The following SNRPN variants were observed in gnomAD, a reference collection of about 807,000 sequenced individuals.
SNRPN encodes the protein small nuclear ribonucleoprotein polypeptide N, also known as small nuclear ribonucleoprotein-associated protein N.
In SNRPN, 7 loss-of-function variants were observed where a neutral mutation model predicts 25.2. The ratio of observed to expected loss-of-function variants is 0.28; its 90% confidence interval spans 0.16 to 0.52. SNRPN has a LOEUF of 0.52. Ranked by LOEUF, SNRPN falls within the 20% of genes least tolerant of loss-of-function variation. SNRPN has a pLI of 0.96. For missense variants in SNRPN, 196 were observed against 322.5 expected, an observed-to-expected ratio of 0.61 and a Z score of 3.00; for synonymous variants, 124 against 110.6, an observed-to-expected ratio of 1.12 and a Z score of -0.76.
At chr15:24,974,529 A>G in intron 4 of SNRPN, 73 bp downstream of exon 4, 1 of 1,408,004 alleles carries the variant, frequency 7.1e-7, no homozygotes, top group Non-Finnish European at 1.0e-6. Context: ...CAGCATGTGC[A>G]GTGATCTTGG....
At chr15:24,835,653 A>G (rs2051105356) in intron 2 of SNRPN, among the ~76,000 whole-genome samples, 2 of 152,022 alleles carry the variant, frequency 1.3e-5, no homozygotes, top group Admixed American at 6.6e-5. Context: ...TTTGGTAATT[A>G]TTGGGTCATT....
At chr15:24,931,483 C>A (rs1416414879) in intron 3 of SNRPN, among the ~76,000 whole-genome samples, 1 of 151,874 alleles carries the variant, frequency 6.6e-6, no homozygotes, top group Non-Finnish European at 1.5e-5. Flanking sequence ...GAAGCTACTG[C>A]AGAGGCTGAG....
upstream of SNRPN, among the ~76,000 whole-genome samples, chr15:24,950,583 C>G (rs574685822): frequency 7.5e-6 from 1 of 133,048 alleles, no homozygotes; most frequent in Non-Finnish European, 1.6e-5. Flanking sequence ...AGGTTTTGCT[C>G]CATCACCCAG....
At chr15:24,957,693 A>G (rs2063156336) in intron 1 of SNRPN, among the ~76,000 whole-genome samples, 2 of 152,224 alleles carry the variant, frequency 1.3e-5, no homozygotes, top group Admixed American at 6.5e-5. Flanking sequence ...GTAGTTTTAA[A>G]AATAGCAGGA....
chr15:24,929,515 C>G lies in SNRPN; in HGVS notation c.-391+9391C>G, dbSNP rs1338584803. ...GGAAGATGGGGAATACTTGCAGGCACCTGGGAAGCTCAGGGAAGCTGCAGG... is the reference window on the plus strand; with the variant it reads ...GGAAGATGGGGAATACTTGCAGGCAGCTGGGAAGCTCAGGGAAGCTGCAGG... On this transcript the variant is annotated intron_variant, in intron 3 of 11. Transcript: ENST00000400097. This position sits in a 1 kb window ranked among gnomAD's most constrained non-coding sequence, Gnocchi z 5.3. 6.6e-6 allele frequency among the ~76,000 whole-genome samples: 1 copy of G among 152,072 alleles called. No individual in the cohort carries two copies.
chr15:24,852,556 A>G (rs1595466374), upstream of SNRPN, among the ~76,000 whole-genome samples: 2 of 152,364 alleles, frequency 1.3e-5, no homozygotes, highest in Middle Eastern at 6.8e-3. Context: ...ACTAGAAACA[A>G]TGTGTAAATT....
chr15:24,895,063 C>A (rs963230065), intron 2 of SNRPN, among the ~76,000 whole-genome samples: 1 of 152,140 alleles, frequency 6.6e-6, no homozygotes, highest in South Asian at 2.1e-4. Context: ...GTAATGGGAC[C>A]AAAAGGTGTC....
intron 1 of SNRPN, among the ~76,000 whole-genome samples, chr15:24,874,281 G>A (rs1262064148): frequency 2.3e-5 from 3 of 130,184 alleles, no homozygotes; most frequent in East Asian, 5.0e-4. Flanking sequence ...CTGCACTCCA[G>A]CCTGGGTGAC....
At chr15:24,881,028 T>C (rs1334888378) in intron 1 of SNRPN, among the ~76,000 whole-genome samples, 2 of 152,112 alleles carry the variant, frequency 1.3e-5, no homozygotes, top group Non-Finnish European at 2.9e-5. Flanking sequence ...ATTTGAATAA[T>C]GACGGTCCAT....
chr15:24,886,584 C>T (rs1299829308), exon 2 of SNRPN: 2 of 152,216 alleles, frequency 1.3e-5, no homozygotes, highest in Non-Finnish European at 2.9e-5. Flanking sequence ...TGGGGCACTT[C>T]TCCAGGTAAG....
chr15:24,837,461 T>G (rs987769441), intron 2 of SNRPN, among the ~76,000 whole-genome samples: 4 of 151,276 alleles, frequency 2.6e-5, no homozygotes, highest in Admixed American at 2.6e-4. Context: ...CTCCGCCTCC[T>G]GGGTTCACGC....
intron 1 of SNRPN, among the ~76,000 whole-genome samples, chr15:24,876,404 G>A (rs551958675): frequency 2.5e-4 from 38 of 150,142 alleles, no homozygotes; most frequent in African/African-American, 9.2e-4. Flanking sequence ...ATCACCTGAG[G>A]TCAGGAGTTT....
intron 2 of SNRPN, chr15:24,848,207 G>C (rs1202236441): frequency 8.4e-6 from 1 of 119,564 alleles, no homozygotes. Flanking sequence ...GTCACAGGAC[G>C]GAGCTGGGGG....
chr15:24,858,263 C>G (rs1035827950), intron 1 of SNRPN, among the ~76,000 whole-genome samples: 16 of 152,104 alleles, frequency 1.1e-4, no homozygotes, highest in Admixed American at 1.0e-3. Context: ...CATTTAAAAG[C>G]TAAACTATAA....
At chr15:24,960,636 A>C (rs2074620012) in intron 1 of SNRPN, among the ~76,000 whole-genome samples, 1 of 152,134 alleles carries the variant, frequency 6.6e-6, no homozygotes, top group Non-Finnish European at 1.5e-5. Context: ...TTAGTGACTA[A>C]TGTTCAGCAT....
intron 2 of SNRPN, among the ~76,000 whole-genome samples, chr15:24,902,667 G>A (rs1595800735): frequency 6.6e-6 from 1 of 152,170 alleles, no homozygotes; most frequent in East Asian, 1.9e-4. Flanking sequence ...GCTGACTTCA[G>A]GAGTGAAGCC....
chr15:24,918,340 GTA>G (rs61181142), intron 2 of SNRPN, among the ~76,000 whole-genome samples: 14,410 of 45,242 alleles, frequency 0.32, 3,062 homozygotes, highest in South Asian at 0.47. Flanking sequence ...ATATATATGT[GTA>G]TATATATATA....
chr15:24,959,464 A>C (rs1279139197), intron 1 of SNRPN, among the ~76,000 whole-genome samples: 4 of 152,214 alleles, frequency 2.6e-5, no homozygotes, highest in African/African-American at 4.8e-5. Context: ...ATTTAAAAAA[A>C]GGTAAATTCA....
At chr15:24,842,550 C>G (rs986775168) in intron 2 of SNRPN, among the ~76,000 whole-genome samples, 1 of 152,114 alleles carries the variant, frequency 6.6e-6, no homozygotes, top group Non-Finnish European at 1.5e-5. Context: ...GGCAGCCCAC[C>G]CTGGGTTACA....
Sources: allele counts gnomAD v4.1 joint callset (sites outside exome capture counted in the v4.1 genomes callset), GRCh38; gene constraint gnomAD v4.1.1; non-coding constraint Gnocchi (gnomAD v3.1); transcripts MANE v1.5; gene names NCBI Gene and HGNC (gene_info 2026-07-23, HGNC 2026-07-21).